RABGAP1: variants seen among roughly 807,000 people sequenced by gnomAD.
RABGAP1 encodes the protein rab GTPase-activating protein 1.
Under a neutral mutation model 137.6 loss-of-function variants are expected in RABGAP1, and 23 were observed. The ratio of observed to expected loss-of-function variants is 0.17; its 90% CI spans 0.12 to 0.24. The LOEUF (loss-of-function observed/expected upper bound fraction) is 0.24. Among genes scored for constraint, RABGAP1 ranks in the 10% least tolerant of loss-of-function variants. The pLI is 1.00. For synonymous variants in RABGAP1, 451 were observed against 450.7 expected, an observed-to-expected ratio of 1.00 and a Z score of -0.01; for missense variants, 906 against 1,275.8, an observed-to-expected ratio of 0.71 and a Z score of 4.42.
At position 123,030,675 on chromosome 9, in the gene RABGAP1, T is replaced by C. The variant is rs144897748; in HGVS notation, c.1794+10216T>C. On this transcript the variant is annotated intron_variant, in intron 13 of 25. Transcript: ENST00000373647. ...ATCATCTCTAACATTTATCAACATT[T>C]ATCATTTCTCTGTGTTGGGAACATT... is the stretch of plus-strand genomic sequence containing the variant. Among the ~76,000 whole-genome samples, 418 of 152,322 alleles carry C rather than the reference T, an allele frequency of 2.7e-3. 1 individual carries two copies. The highest frequency in any genetic ancestry group is 9.0e-3 in the African/African-American group (373 of 41,574).
intron 21 of RABGAP1, among the ~76,000 whole-genome samples, chr9:123,095,532 T>C (rs1047235996): frequency 3.9e-5 from 6 of 152,292 alleles, no homozygotes; most frequent in Non-Finnish European, 7.4e-5. Flanking sequence ...AGAATTTGTC[T>C]CTACAAAAAA....
At chr9:123,008,544 C>CAA (rs34127466) in intron 10 of RABGAP1, among the ~76,000 whole-genome samples, 36 of 53,068 alleles carry the variant, frequency 6.8e-4, no homozygotes, top group Middle Eastern at 0.012. Flanking sequence ...GACTCCATCT[C>CAA]AAAAAAAAAA....
chr9:123,103,515 G>A lies in RABGAP1; in HGVS notation c.*302G>A, dbSNP rs915225259. 1 of 176,942 alleles carries A rather than the reference G, an allele frequency of 5.7e-6. No homozygotes were observed. Among genetic ancestry groups the A allele is most frequent in the African/African-American group, 2.4e-5 (1 of 41,148 alleles). 11.0% of individuals were successfully genotyped at this position (176,942 alleles called of 1,614,324 possible). The stretch of plus-strand genomic sequence containing the variant: ...CAACACCTCACCCAGCCTAAAGGCT[G>A]AGTTTACATGATCAGAGTTAGGGGA... On this transcript the variant is annotated 3_prime_UTR_variant, in exon 26 of 26. Coordinates refer to ENST00000373647, the MANE Select transcript of RABGAP1 (RefSeq NM_012197.4).
intron 11 of RABGAP1, 55 bp from the exon 12 acceptor site, chr9:123,015,488 T>A: frequency 1.8e-6 from 2 of 1,141,438 alleles, no homozygotes; most frequent in South Asian, 2.8e-5. Context: ...TCCAGTGTTC[T>A]TCTGGCTAGC....
intron 2 of RABGAP1, among the ~76,000 whole-genome samples, chr9:122,969,820 C>G (rs996195554): frequency 2.6e-5 from 4 of 152,182 alleles, no homozygotes; most frequent in African/African-American, 9.7e-5. Context: ...CCCACACTGA[C>G]CTCCTAAAGT....
chr9:122,958,895 A>T (rs891172700), intron 2 of RABGAP1, among the ~76,000 whole-genome samples: 1 of 151,870 alleles, frequency 6.6e-6, no homozygotes, highest in Non-Finnish European at 1.5e-5. Context: ...TTCAGTCCCC[A>T]CTACTTGGGA....
At chr9:123,005,501 T>C (rs371550396) in intron 10 of RABGAP1, among the ~76,000 whole-genome samples, 1 of 152,198 alleles carries the variant, frequency 6.6e-6, no homozygotes, top group African/African-American at 2.4e-5. Context: ...AAATAAAAAT[T>C]AGCATACTCC....
intron 1 of RABGAP1, among the ~76,000 whole-genome samples, chr9:122,950,745 A>G (rs1834201414): frequency 6.6e-6 from 1 of 152,164 alleles, no homozygotes; most frequent in South Asian, 2.1e-4. Flanking sequence ...AATATAACAC[A>G]AATACCCATG....
chr9:123,082,983 T>G (rs1325425344), intron 19 of RABGAP1, among the ~76,000 whole-genome samples: 1 of 152,246 alleles, frequency 6.6e-6, no homozygotes, highest in African/African-American at 2.4e-5. Context: ...TTCATCCGTC[T>G]TGTTTGTTGA....
chr9:122,948,849 T>C (rs1834073376), intron 1 of RABGAP1, among the ~76,000 whole-genome samples: 1 of 152,184 alleles, frequency 6.6e-6, no homozygotes, highest in South Asian at 2.1e-4. Flanking sequence ...GTTTTCCTCA[T>C]ATTACTTAGA....
chr9:123,088,805 C>T (rs999721946), intron 19 of RABGAP1, among the ~76,000 whole-genome samples: 1 of 152,052 alleles, frequency 6.6e-6, no homozygotes, highest in African/African-American at 2.4e-5. Flanking sequence ...AGAAGGAAAG[C>T]CAAGAGAATA....
intron 24 of RABGAP1, 53 bp downstream of exon 24, chr9:123,099,602 C>T: frequency 6.7e-7 from 1 of 1,486,308 alleles, no homozygotes; most frequent in South Asian, 1.1e-5. Context: ...CATTTTATGG[C>T]TGTATAAACA....
At chr9:122,991,778 T>A (rs1260241129) in intron 6 of RABGAP1, among the ~76,000 whole-genome samples, 1 of 151,684 alleles carries the variant, frequency 6.6e-6, no homozygotes. Flanking sequence ...AATTTTTTTT[T>A]AAGTTTTTCT....
intron 2 of RABGAP1, among the ~76,000 whole-genome samples, chr9:122,972,626 T>C (rs1185530112): frequency 6.6e-6 from 1 of 152,152 alleles, no homozygotes; most frequent in Non-Finnish European, 1.5e-5. Flanking sequence ...TATCTCTTGA[T>C]TGGAGGTGCT....
intron 13 of RABGAP1, 58 bp downstream of exon 13, chr9:123,020,517 G>A (rs1011319196): frequency 3.7e-6 from 5 of 1,358,850 alleles, no homozygotes; most frequent in Non-Finnish European, 4.8e-6. Context: ...GTGATGAAAA[G>A]ATCATTATAG....
intron 16 of RABGAP1, among the ~76,000 whole-genome samples, 155 bp from the exon 17 acceptor site, chr9:123,074,130 A>C (rs1001112978): frequency 1.3e-5 from 2 of 152,238 alleles, no homozygotes; most frequent in Non-Finnish European, 2.9e-5. Flanking sequence ...GTGCCAGCTT[A>C]ATACCAGATG....
At chr9:123,018,218 TCTC>T (rs746894599) in intron 12 of RABGAP1, among the ~76,000 whole-genome samples, 197 of 152,284 alleles carry the variant, frequency 1.3e-3, no homozygotes, top group South Asian at 1.7e-3. Flanking sequence ...ATGGTCCTGA[TCTC>T]CTGACCTCGT....
At chr9:122,947,586 T>C (rs2131590479) in intron 1 of RABGAP1, among the ~76,000 whole-genome samples, 1 of 152,398 alleles carries the variant, frequency 6.6e-6, no homozygotes, top group African/African-American at 2.4e-5. Flanking sequence ...CCGATATCTT[T>C]TTTAGTTAAT....
At chr9:123,011,265 T>C (rs1428631233) in intron 11 of RABGAP1, among the ~76,000 whole-genome samples, 3 of 152,204 alleles carry the variant, frequency 2.0e-5, no homozygotes, top group Non-Finnish European at 4.4e-5. Context: ...GAATTCGGTT[T>C]TCATTGTGGG....
Sources: allele counts gnomAD v4.1 joint callset (sites outside exome capture counted in the v4.1 genomes callset), GRCh38; gene constraint gnomAD v4.1.1; transcripts MANE v1.5; gene names NCBI Gene and HGNC (gene_info 2026-07-23, HGNC 2026-07-21).